FGGY: variants seen among roughly 807,000 people sequenced by gnomAD.
The protein encoded by FGGY is FGGY carbohydrate kinase domain-containing protein.
Under a neutral mutation model 71.3 loss-of-function variants are expected in FGGY, and 72 were observed. The observed-to-expected ratio is 1.01, with a 90% CI of 0.84 to 1.23. The LOEUF (loss-of-function observed/expected upper bound fraction) is 1.23. Ranked by LOEUF, FGGY falls within the 50% of genes most tolerant of loss-of-function variation. The probability of loss-of-function intolerance (pLI) is 0.00; values close to 1 mark genes in which losing one functional copy is unlikely to be tolerated. For missense variants in FGGY, 668 were observed against 682.3 expected (o/e 0.98, Z 0.23); for synonymous variants, 251 against 250.3 (o/e 1.00, Z -0.02).
chr1:59,657,486 T>A (rs1204320230), intron 11 of FGGY, among the ~76,000 whole-genome samples: 9 of 152,176 alleles, frequency 5.9e-5, no homozygotes, highest in Non-Finnish European at 8.8e-5. Context: ...ATGGTGTTCA[T>A]GACTAGTGAT....
chr1:59,737,550 A>G (rs926210796), intron 14 of FGGY, among the ~76,000 whole-genome samples: 1 of 152,192 alleles, frequency 6.6e-6, no homozygotes, highest in Non-Finnish European at 1.5e-5. Flanking sequence ...TGTAGTTTTA[A>G]GATTTGACTG....
intron 8 of FGGY, among the ~76,000 whole-genome samples, chr1:59,555,246 A>G (rs7555570): frequency 0.1 from 15,239 of 152,278 alleles, 907 homozygotes; most frequent in South Asian, 0.28. Flanking sequence ...AATTGAACTC[A>G]TGATACTAAG....
intron 14 of FGGY, among the ~76,000 whole-genome samples, chr1:59,750,610 T>C (rs1243041007): frequency 6.6e-6 from 1 of 152,166 alleles, no homozygotes; most frequent in Non-Finnish European, 1.5e-5. Context: ...TCTCATCCCT[T>C]CCTGCTTCTC....
chr1:59,573,850 G>A (rs979314186), intron 8 of FGGY, among the ~76,000 whole-genome samples: 4 of 151,912 alleles, frequency 2.6e-5, no homozygotes, highest in Admixed American at 1.3e-4. Flanking sequence ...TTTTCTTCTG[G>A]CCCTGGAAGC....
rs200171073 is a variant in FGGY at position 59,346,218 on chromosome 1, C to T, written c.314-29C>T. The T allele has an allele frequency of 7.4e-5, 119 of 1,611,274 alleles. No individual in the cohort carries two copies. In the Middle Eastern group the frequency reaches 1.3e-3, roughly 18 times the overall value. ...AATTAGAAGGAAGAGAATGTGTGTCCATCTGCATCTCCCTCTCGTTTCTGC... is the reference window on the plus strand; with the variant it reads ...AATTAGAAGGAAGAGAATGTGTGTCTATCTGCATCTCCCTCTCGTTTCTGC... On this transcript the variant is annotated intron_variant, in intron 3 of 15. Coordinates refer to ENST00000303721, the MANE Select transcript of FGGY (RefSeq NM_018291.5).
intron 7 of FGGY, among the ~76,000 whole-genome samples, chr1:59,518,159 G>C (rs1276323780): frequency 6.6e-6 from 1 of 152,198 alleles, no homozygotes; most frequent in Non-Finnish European, 1.5e-5. Flanking sequence ...TGAGGATTTT[G>C]AATTTCTTTT....
At chr1:59,447,609 C>G (rs1405380233) in intron 5 of FGGY, among the ~76,000 whole-genome samples, 1 of 152,146 alleles carries the variant, frequency 6.6e-6, no homozygotes, top group Non-Finnish European at 1.5e-5. Context: ...ATAATTGAAT[C>G]ATGGGGCTGT....
At chr1:59,476,190 C>T (rs2093257793) in intron 6 of FGGY, among the ~76,000 whole-genome samples, 1 of 152,222 alleles carries the variant, frequency 6.6e-6, no homozygotes, top group Non-Finnish European at 1.5e-5. Context: ...AGAGCTTTCC[C>T]TTACCACCCA....
At chr1:59,622,039 T>G (rs1162540643) in intron 9 of FGGY, among the ~76,000 whole-genome samples, 1 of 151,782 alleles carries the variant, frequency 6.6e-6, no homozygotes, top group Admixed American at 6.6e-5. Context: ...TCTCTCTAAG[T>G]CTCCCAGTCT....
chr1:59,410,051 C>T (rs182830096), intron 5 of FGGY, among the ~76,000 whole-genome samples: 2 of 152,240 alleles, frequency 1.3e-5, no homozygotes, highest in East Asian at 1.9e-4. Flanking sequence ...CTACACCAGC[C>T]GTCCTTATTA....
chr1:59,571,281 A>G (rs963782670), intron 8 of FGGY, among the ~76,000 whole-genome samples: 1 of 152,238 alleles, frequency 6.6e-6, no homozygotes, highest in African/African-American at 2.4e-5. Flanking sequence ...GTTCATGTCC[A>G]AAAGACTTAA....
intron 6 of FGGY, among the ~76,000 whole-genome samples, chr1:59,469,123 A>C (rs941297948): frequency 6.6e-6 from 1 of 152,236 alleles, no homozygotes; most frequent in South Asian, 2.1e-4. Flanking sequence ...GAAGCCACCT[A>C]TACTTGCCTG....
chr1:59,337,993 T>C (rs2049931853), intron 2 of FGGY, among the ~76,000 whole-genome samples: 1 of 152,228 alleles, frequency 6.6e-6, no homozygotes, highest in Admixed American at 6.5e-5. Context: ...TAGGTTTTTG[T>C]AGATGCTCCT....
intron 5 of FGGY, among the ~76,000 whole-genome samples, chr1:59,437,341 C>T (rs1024268961): frequency 2.0e-5 from 3 of 152,230 alleles, no homozygotes; most frequent in African/African-American, 7.2e-5. Flanking sequence ...CCTATAACGA[C>T]AGTAACAAAA....
At chr1:59,551,738 G>C (rs1422405930) in intron 7 of FGGY, among the ~76,000 whole-genome samples, 2 of 152,110 alleles carry the variant, frequency 1.3e-5, no homozygotes, top group Non-Finnish European at 2.9e-5. Flanking sequence ...TCATTTCTAA[G>C]CTTCGATTTT....
intron 8 of FGGY, among the ~76,000 whole-genome samples, chr1:59,559,746 G>A (rs1265187778): frequency 2.6e-5 from 4 of 152,110 alleles, no homozygotes; most frequent in African/African-American, 9.7e-5. Context: ...TATGTCACAG[G>A]GAGCCAACTG....
intron 6 of FGGY, among the ~76,000 whole-genome samples, chr1:59,496,143 T>A (rs2094023439): frequency 6.6e-6 from 1 of 152,208 alleles, no homozygotes; most frequent in South Asian, 2.1e-4. Flanking sequence ...TTTATTTGTG[T>A]CATCTCTGAT....
chr1:59,305,822 C>T (rs574564185), intron 1 of FGGY, among the ~76,000 whole-genome samples: 22 of 152,264 alleles, frequency 1.4e-4, no homozygotes, highest in East Asian at 1.4e-3. Context: ...TGCATTAGTA[C>T]GGATGATTAG....
chr1:59,380,722 T>C (rs576636569), intron 5 of FGGY, among the ~76,000 whole-genome samples: 2 of 151,560 alleles, frequency 1.3e-5, no homozygotes, highest in African/African-American at 4.9e-5. Flanking sequence ...ATTGCAAAAA[T>C]TTTCTCCCAT....
Sources: gnomAD v4.1 joint callset for allele counts (sites outside exome capture counted in the v4.1 genomes callset) on GRCh38, gnomAD v4.1.1 for gene constraint, MANE v1.5 for transcripts, NCBI Gene and HGNC (gene_info 2026-07-23, HGNC 2026-07-21) for gene names.